The following DCC variants were observed in gnomAD, a reference collection of about 807,000 sequenced individuals.
DCC encodes DCC netrin 1 receptor, also known as netrin receptor DCC.
A neutral mutation model predicts 172.5 loss-of-function variants in DCC; 58 were observed. That is an observed-to-expected ratio of 0.34 (90% CI 0.27 to 0.42). The LOEUF (loss-of-function observed/expected upper bound fraction) is 0.42, where lower values mean the gene tolerates loss of function less well. Among genes scored for constraint, DCC ranks in the 10% least tolerant of loss-of-function variants. The pLI is 1.00. For missense variants in DCC, 1,740 were observed against 1,791.0 expected, an observed-to-expected ratio of 0.97 and a Z score of 0.51; for synonymous variants, 709 against 644.5, an observed-to-expected ratio of 1.10 and a Z score of -1.52.
intron 5 of DCC, among the ~76,000 whole-genome samples, chr18:52,940,458 T>C (rs545620450): frequency 3.3e-5 from 5 of 152,212 alleles, no homozygotes; most frequent in African/African-American, 1.2e-4. Flanking sequence ...AAGCCCAAAG[T>C]AGAACAAAAG....
At chr18:53,131,253 G>GT (rs778786046) in intron 7 of DCC, among the ~76,000 whole-genome samples, 4 of 151,854 alleles carry the variant, frequency 2.6e-5, no homozygotes, top group Non-Finnish European at 5.9e-5. Flanking sequence ...CACATTCACA[G>GT]TTTTTCTTTA....
chr18:53,407,387 C>A (rs1191986004), intron 19 of DCC, among the ~76,000 whole-genome samples: 1 of 150,864 alleles, frequency 6.6e-6, no homozygotes, highest in Non-Finnish European at 1.5e-5. Flanking sequence ...TAAGATATGG[C>A]TCCTGAACTA....
intron 7 of DCC, among the ~76,000 whole-genome samples, chr18:53,119,959 T>C (rs2043460170): frequency 6.6e-6 from 1 of 151,756 alleles, no homozygotes; most frequent in Non-Finnish European, 1.5e-5. Context: ...TGATGTTATA[T>C]AAAAACTGTT....
At chr18:52,793,016 A>G (rs1381797339) in intron 2 of DCC, among the ~76,000 whole-genome samples, 1 of 150,310 alleles carries the variant, frequency 6.7e-6, no homozygotes, top group Non-Finnish European at 1.5e-5. Flanking sequence ...AGAAGAAAGG[A>G]GAGAGGAGCT....
intron 2 of DCC, among the ~76,000 whole-genome samples, chr18:52,799,782 CTGA>C (rs2037948410): frequency 6.6e-6 from 1 of 152,152 alleles, no homozygotes; most frequent in Non-Finnish European, 1.5e-5. Context: ...AGCTTGATTT[CTGA>C]TACTTTGTTT....
chr18:52,826,060 G>A (rs1316340483), intron 2 of DCC, among the ~76,000 whole-genome samples: 2 of 152,268 alleles, frequency 1.3e-5, no homozygotes, highest in Admixed American at 6.5e-5. Flanking sequence ...ATAATAAAAT[G>A]TGTTGGTTAT....
chr18:53,173,988 C>T (rs925154970), intron 8 of DCC, among the ~76,000 whole-genome samples: 1 of 80,942 alleles, frequency 1.2e-5, no homozygotes, highest in African/African-American at 5.3e-5. Flanking sequence ...TCTCTCAGAC[C>T]ACAGTGCAAT....
intron 3 of DCC, among the ~76,000 whole-genome samples, chr18:52,922,796 T>C (rs2040145528): frequency 1.3e-5 from 2 of 152,138 alleles, no homozygotes; most frequent in Admixed American, 6.6e-5. Flanking sequence ...AGAGCTTATA[T>C]AGGAAGGTAA....
intron 12 of DCC, among the ~76,000 whole-genome samples, chr18:53,292,670 CAA>C (rs1486217078): frequency 6.6e-6 from 1 of 152,148 alleles, no homozygotes. Context: ...GCCTGGGTGA[CAA>C]GAGCGAAACT....
chr18:52,547,200 G>A lies in DCC; in HGVS notation c.92-204854G>A, dbSNP rs188301834. On this transcript the variant is annotated intron_variant, in intron 1 of 28. Transcript: ENST00000442544. ...AGACATCCAATTGCAGGCACAAACT[G>A]ATATTCTTGCCAAATTGGCAAGCTG... Among the ~76,000 whole-genome samples, 14 of 152,280 alleles carry A rather than the reference G, an allele frequency of 9.2e-5. No homozygotes were observed. The East Asian group carries it at 2.7e-3, about 29-fold the overall frequency.
intron 2 of DCC, among the ~76,000 whole-genome samples, chr18:52,792,794 C>CATTCT: frequency 6.6e-6 from 1 of 152,114 alleles, no homozygotes; most frequent in African/African-American, 2.4e-5. Context: ...CATTCCATTC[C>CATTCT]ATTCCATTCC....
At chr18:53,508,515 C>T (rs143195221) in intron 27 of DCC, among the ~76,000 whole-genome samples, 322 of 152,258 alleles carry the variant, frequency 2.1e-3, no homozygotes, top group African/African-American at 6.3e-3. Context: ...TTTTAAACCA[C>T]GATAACCTAG....
intron 1 of DCC, among the ~76,000 whole-genome samples, chr18:52,546,987 G>A (rs912223291): frequency 2.6e-5 from 4 of 152,160 alleles, no homozygotes; most frequent in Non-Finnish European, 4.4e-5. Context: ...AGCCACTGAA[G>A]GGAAAAGAGC....
intron 1 of DCC, among the ~76,000 whole-genome samples, chr18:52,387,217 A>T (rs1240390383): frequency 6.6e-6 from 1 of 152,160 alleles, no homozygotes; most frequent in Non-Finnish European, 1.5e-5. Flanking sequence ...AGTGCTTTGC[A>T]GCAGGTATGG....
chr18:53,051,928 G>A (rs1360843537), intron 5 of DCC, among the ~76,000 whole-genome samples: 1 of 151,858 alleles, frequency 6.6e-6, no homozygotes, highest in African/African-American at 2.4e-5. Flanking sequence ...TATATATTCT[G>A]TCCCATTTGT....
At chr18:53,355,781 C>T (rs2057871335) in intron 15 of DCC, among the ~76,000 whole-genome samples, 1 of 151,804 alleles carries the variant, frequency 6.6e-6, no homozygotes, top group East Asian at 1.9e-4. Flanking sequence ...CTGCCTGGCA[C>T]TCGTTCTTAT....
chr18:52,434,391 C>T (rs1241952041), intron 1 of DCC, among the ~76,000 whole-genome samples: 1 of 152,016 alleles, frequency 6.6e-6, no homozygotes, highest in African/African-American at 2.4e-5. Flanking sequence ...ATTACCTGGC[C>T]CAAAATGCTA....
intron 1 of DCC, among the ~76,000 whole-genome samples, chr18:52,415,744 T>C (rs890430512): frequency 2.6e-5 from 4 of 152,132 alleles, no homozygotes; most frequent in Non-Finnish European, 4.4e-5. Context: ...TTTTATTGCG[T>C]CTATTTGATT....
At chr18:52,371,655 T>C (rs1985128180) in intron 1 of DCC, among the ~76,000 whole-genome samples, 1 of 152,208 alleles carries the variant, frequency 6.6e-6, no homozygotes, top group Non-Finnish European at 1.5e-5. Context: ...CTTCTCTGGG[T>C]GTGCAAAGCA....
Sources: gnomAD v4.1 joint callset for allele counts (sites outside exome capture counted in the v4.1 genomes callset) on GRCh38, gnomAD v4.1.1 for gene constraint, MANE v1.5 for transcripts, NCBI Gene and HGNC (gene_info 2026-07-23, HGNC 2026-07-21) for gene names.